DIP2B: variants seen among roughly 807,000 people sequenced by gnomAD.
DIP2B encodes the protein DIP2 acetate--CoA ligase B (putative).
A neutral mutation model predicts 198.0 loss-of-function variants in DIP2B; 76 were observed. That is an observed-to-expected ratio of 0.38 (90% confidence interval 0.32 to 0.46). The LOEUF (loss-of-function observed/expected upper bound fraction) is 0.46. Among genes scored for constraint, DIP2B ranks in the 20% least tolerant of loss-of-function variants. The pLI, the probability that DIP2B is intolerant of heterozygous loss-of-function variation, is 0.99. For missense variants in DIP2B, 1,559 were observed against 1,978.4 expected (o/e 0.79, Z 4.02); for synonymous variants, 701 against 739.1 (o/e 0.95, Z 0.84).
At chr12:50,686,509 G>T in intron 11 of DIP2B, 64 bp from the exon 12 acceptor site, 1 of 1,409,864 alleles carries the variant, frequency 7.1e-7, no homozygotes. Flanking sequence ...AAAATGACCA[G>T]TTCAGTGTGA....
At chr12:50,704,092 T>A in intron 19 of DIP2B, 48 bp from the exon 20 acceptor site, 1 of 1,563,634 alleles carries the variant, frequency 6.4e-7, no homozygotes, top group Non-Finnish European at 8.7e-7. Flanking sequence ...TCACATATAC[T>A]TTCTAAGAAA....
chr12:50,569,033 A>T (rs1362059137), intron 1 of DIP2B, among the ~76,000 whole-genome samples: 1 of 148,642 alleles, frequency 6.7e-6, no homozygotes, highest in Non-Finnish European at 1.5e-5. Context: ...CCAGATTTGC[A>T]TGGTGAATTT....
intron 1 of DIP2B, among the ~76,000 whole-genome samples, chr12:50,507,692 C>T (rs189593235): frequency 4.6e-5 from 7 of 152,224 alleles, no homozygotes; most frequent in African/African-American, 9.6e-5. Context: ...CCACTACTGC[C>T]GGGCTAATTT....
intron 1 of DIP2B, among the ~76,000 whole-genome samples, chr12:50,601,343 TTG>T (rs1363768057): frequency 3.3e-5 from 5 of 151,878 alleles, no homozygotes; most frequent in African/African-American, 9.7e-5. Flanking sequence ...ATTTTTTTGT[TTG>T]TTTGTTTGTT....
At chr12:50,728,808 G>A (rs2139595116) in intron 30 of DIP2B, 130 bp downstream of exon 30, 1 of 1,248,604 alleles carries the variant, frequency 8.0e-7, no homozygotes, top group Non-Finnish European at 1.1e-6. Flanking sequence ...CAGAATTTAT[G>A]GATCTACTGT....
intron 1 of DIP2B, among the ~76,000 whole-genome samples, chr12:50,582,370 G>A (rs117439776): frequency 0.041 from 6,212 of 151,812 alleles, 203 homozygotes; most frequent in East Asian, 0.14. Context: ...GACTGGTCTC[G>A]AACTCCTGAC....
intron 10 of DIP2B, among the ~76,000 whole-genome samples, chr12:50,684,928 C>T (rs1939108722): frequency 6.6e-6 from 1 of 151,832 alleles, no homozygotes; most frequent in South Asian, 2.1e-4. Flanking sequence ...CCTGTCTCTA[C>T]TAAAAATACA....
At chr12:50,629,411 G>A (rs77570993) in intron 2 of DIP2B, among the ~76,000 whole-genome samples, 2,075 of 152,194 alleles carry the variant, frequency 0.014, 42 homozygotes, top group African/African-American at 0.047. Flanking sequence ...TGATTCATCT[G>A]GTCCAGGGTG....
intron 1 of DIP2B, among the ~76,000 whole-genome samples, chr12:50,507,627 G>A (rs1443306163): frequency 6.6e-6 from 1 of 152,154 alleles, no homozygotes; most frequent in Non-Finnish European, 1.5e-5. Flanking sequence ...CGCCTCCCAG[G>A]GTCAAGCAGT....
chr12:50,510,739 G>A (rs1436960581), intron 1 of DIP2B, among the ~76,000 whole-genome samples: 1 of 151,288 alleles, frequency 6.6e-6, no homozygotes, highest in African/African-American at 2.4e-5. Flanking sequence ...TCCACCTCCT[G>A]GGTTCAAGCG....
At chr12:50,624,404 C>G (rs994418907) in intron 1 of DIP2B, among the ~76,000 whole-genome samples, 8 of 152,200 alleles carry the variant, frequency 5.3e-5, no homozygotes, top group Non-Finnish European at 1.0e-4. Context: ...GCGATCTCGG[C>G]TCACTGCAAC....
intron 23 of DIP2B, among the ~76,000 whole-genome samples, chr12:50,717,375 T>C (rs1345675146): frequency 7.3e-6 from 1 of 137,348 alleles, no homozygotes; most frequent in African/African-American, 2.7e-5. Flanking sequence ...TTTTTTTTTT[T>C]TTTTTTTTGA....
chr12:50,617,219 G>A (rs531578771), intron 1 of DIP2B, among the ~76,000 whole-genome samples: 1 of 151,046 alleles, frequency 6.6e-6, no homozygotes, highest in Non-Finnish European at 1.5e-5. Flanking sequence ...GCAGTGGCGC[G>A]ATCTCGGCTC....
chr12:50,554,365 T>C (rs1232134765), intron 1 of DIP2B, among the ~76,000 whole-genome samples: 1 of 152,096 alleles, frequency 6.6e-6, no homozygotes, highest in African/African-American at 2.4e-5. Context: ...AGCTAAATCA[T>C]GTGGTATACT....
intron 4 of DIP2B, among the ~76,000 whole-genome samples, chr12:50,663,651 T>C (rs568703679): frequency 1.3e-5 from 2 of 151,846 alleles, no homozygotes; most frequent in South Asian, 2.1e-4. Context: ...GGTGGGAGGA[T>C]TGCTTGAGCC....
At chr12:50,739,370 T>G in intron 35 of DIP2B, 39 bp from the exon 36 acceptor site, 1 of 1,585,492 alleles carries the variant, frequency 6.3e-7, no homozygotes, top group Non-Finnish European at 8.6e-7. Context: ...TACAGTTGTG[T>G]GTCCCCAGTG....
intron 19 of DIP2B, among the ~76,000 whole-genome samples, chr12:50,702,436 C>T (rs1487186384): frequency 6.6e-6 from 1 of 151,816 alleles, no homozygotes; most frequent in East Asian, 1.9e-4. Flanking sequence ...GTGGCAGGTG[C>T]CTGTAATCCC....
chr12:50,563,486 C>CTTTTT (rs71083598), intron 1 of DIP2B, among the ~76,000 whole-genome samples: 1 of 115,536 alleles, frequency 8.7e-6, no homozygotes, highest in Non-Finnish European at 1.7e-5. Context: ...TGCACCTGGC[C>CTTTTT]TTTTTTTTTT....
chr12:50,649,069 G>T (rs963317417), intron 3 of DIP2B, among the ~76,000 whole-genome samples: 1 of 152,014 alleles, frequency 6.6e-6, no homozygotes, highest in African/African-American at 2.4e-5. Context: ...AAACCTTTAT[G>T]AAAAAAACTT....
Sources: allele counts gnomAD v4.1 joint callset (sites outside exome capture counted in the v4.1 genomes callset), GRCh38; gene constraint gnomAD v4.1.1; transcripts MANE v1.5; gene names NCBI Gene and HGNC (gene_info 2026-07-23, HGNC 2026-07-21).